Variants in USH2A observed in about 807,000 individuals in gnomAD.
The protein encoded by USH2A is usherin.
In USH2A, 443 loss-of-function variants were observed where a neutral mutation model predicts 538.9. That is an observed-to-expected ratio of 0.82 (90% CI 0.76 to 0.89). The LOEUF (loss-of-function observed/expected upper bound fraction) is 0.89. Among genes scored for constraint, USH2A ranks in the 40% least tolerant of loss-of-function variants. The pLI, the probability that USH2A is intolerant of heterozygous loss-of-function variation, is 0.00. For missense variants in USH2A, 6,633 were observed against 6,324.8 expected (o/e 1.05, Z -1.65); for synonymous variants, 2,413 against 2,273.5 (o/e 1.06, Z -1.75).
intron 64 of USH2A, among the ~76,000 whole-genome samples, chr1:215,658,536 C>T (rs1045364221): frequency 1.3e-5 from 2 of 152,088 alleles, no homozygotes; most frequent in African/African-American, 4.8e-5. Flanking sequence ...ACATAAAAGC[C>T]CAAACTCTTT....
In USH2A at chr1:215,622,933, T is replaced by G. The variant is rs1460495352; in HGVS notation, c.*2848A>C. ...ATTTATTAAGCAAACCATCTTTAGA[T>G]TAGTTTACATGATATTTGTGCATTG... On this transcript the variant is annotated 3_prime_UTR_variant, in exon 72 of 72. Transcript: ENST00000307340. The G allele has an allele frequency of 6.6e-6, 1 of 152,128 alleles. No homozygotes were observed. Among genetic ancestry groups the G allele is most frequent in the Non-Finnish European group, 1.5e-5 (1 of 67,998 alleles). The allele number at this position is 152,128 out of a possible 1,614,324, so 9.4% of individuals were successfully genotyped here.
At chr1:216,300,741 G>GTTTTT (rs531354825) in intron 9 of USH2A, among the ~76,000 whole-genome samples, 1 of 116,574 alleles carries the variant, frequency 8.6e-6, no homozygotes, top group African/African-American at 3.2e-5. Flanking sequence ...TAGACTCAAT[G>GTTTTT]TTTTTTTTTT....
At chr1:215,930,730 A>C (rs551632816) in intron 38 of USH2A, among the ~76,000 whole-genome samples, 1 of 152,164 alleles carries the variant, frequency 6.6e-6, no homozygotes, top group South Asian at 2.1e-4. Flanking sequence ...CTGAATGCTG[A>C]ATTCCATGCA....
intron 37 of USH2A, among the ~76,000 whole-genome samples, chr1:215,962,504 T>C (rs895977707): frequency 2.0e-5 from 3 of 152,062 alleles, no homozygotes; most frequent in Admixed American, 1.3e-4. Context: ...TCGTTAGGAA[T>C]TGCTGTGATA....
At chr1:215,924,364 T>C (rs2102491020) in intron 38 of USH2A, among the ~76,000 whole-genome samples, 1 of 152,162 alleles carries the variant, frequency 6.6e-6, no homozygotes, top group Admixed American at 6.6e-5. Flanking sequence ...TGAAAAGAGG[T>C]TGGAAATATG....
At position 215,690,839 on chromosome 1, in the gene USH2A, C is replaced by T. The variant is rs139306256; in HGVS notation, c.12067-10463G>A. On this transcript the variant is annotated intron_variant, in intron 61 of 71. Transcript: ENST00000307340. ...TCACACCACATCTACTACTACCACT[C>T]TGATCCAAGCCATACTTTCCCACTC... is the stretch of plus-strand genomic sequence containing the variant. Among the ~76,000 whole-genome samples the T allele has an allele frequency of 6.0e-3, 918 of 152,272 alleles. 12 individuals carry two copies. Among genetic ancestry groups the T allele is most frequent in the African/African-American group, 0.02 (841 of 41,544 alleles).
intron 30 of USH2A, among the ~76,000 whole-genome samples, chr1:216,055,397 G>A (rs2102532885): frequency 6.6e-6 from 1 of 152,294 alleles, no homozygotes; most frequent in East Asian, 1.9e-4. Context: ...AACTGGCTAG[G>A]GGAAGGAGGG....
chr1:215,683,435 G>C (rs528436315), intron 61 of USH2A, among the ~76,000 whole-genome samples: 1 of 152,172 alleles, frequency 6.6e-6, no homozygotes, highest in African/African-American at 2.4e-5. Flanking sequence ...TCTCCTGAAT[G>C]AATTTCCAAC....
chr1:215,645,751 A>G (rs1415758583), intron 67 of USH2A, among the ~76,000 whole-genome samples: 1 of 152,212 alleles, frequency 6.6e-6, no homozygotes, highest in Non-Finnish European at 1.5e-5. Flanking sequence ...TTATAATCTG[A>G]CATAATCTTT....
At position 216,097,212 on chromosome 1, in the gene USH2A, G is replaced by A. The variant is rs1199927597; in HGVS notation, c.4629C>T (p.Gly1543=). The A allele has an allele frequency of 6.2e-7, 1 of 1,614,118 alleles. No individual in the cohort carries two copies. The highest frequency in any genetic ancestry group is 8.5e-7 in the Non-Finnish European group (1 of 1,180,006). ...STHPVNTDFT[G]IKASFRTKVP... is the part of the protein sequence containing the mutation. ...CTTTTGTTCGAAAGCTGGCCTTAAT[G>A]CCTGGTAAGACAAGTGTGATCAGCA... The change falls in exon 22 of 72, where the codon GGC becomes GGT. Residue 1543 remains glycine, a splice_region_variant and synonymous_variant. Transcript: ENST00000307340.
intron 44 of USH2A, among the ~76,000 whole-genome samples, chr1:215,848,042 A>G (rs1663912238): frequency 6.6e-6 from 1 of 152,176 alleles, no homozygotes; most frequent in Non-Finnish European, 1.5e-5. Context: ...CAAAAATGTA[A>G]GCACATGCAA....
In USH2A at chr1:216,105,665, G is replaced by T. The variant is rs553326157; in HGVS notation, c.4628-8452C>A. ...CTTCAAAAAAGCTTGCTGGAATTTT[G>T]ATTGGAATTACATTAAATGAATAAA... On this transcript the variant is annotated intron_variant, in intron 21 of 71. Coordinates refer to ENST00000307340, the MANE Select transcript of USH2A (RefSeq NM_206933.4). Among the ~76,000 whole-genome samples the T allele has an allele frequency of 1.7e-3, 251 of 152,022 alleles. 1 individual carries two copies. Among genetic ancestry groups the T allele is most frequent in the African/African-American group, 5.7e-3 (236 of 41,534 alleles).
At chr1:215,717,196 G>A (rs2102703518) in intron 61 of USH2A, among the ~76,000 whole-genome samples, 1 of 152,248 alleles carries the variant, frequency 6.6e-6, no homozygotes, top group African/African-American at 2.4e-5. Context: ...AACCTGTTTT[G>A]TCCCTAGGAG....
intron 50 of USH2A, among the ~76,000 whole-genome samples, chr1:215,794,381 C>G (rs1037799295): frequency 1.4e-4 from 21 of 152,140 alleles, no homozygotes; most frequent in Non-Finnish European, 2.6e-4. Flanking sequence ...GGCAGGCACA[C>G]AATGCCAGGC....
Position 216,384,724 on chromosome 1 carries a change from G to A in USH2A, c.652-19639C>T, listed in dbSNP as rs563207676. On this transcript the variant is annotated intron_variant, in intron 3 of 71. Coordinates refer to ENST00000307340, the MANE Select transcript of USH2A (RefSeq NM_206933.4). Reference sequence around the variant, plus strand: ...GCAATCTATACACAGGAATTAAGAAGGCAGTCAGGTGAATGATTTGAGAAT... The same window carrying A: ...GCAATCTATACACAGGAATTAAGAAAGCAGTCAGGTGAATGATTTGAGAAT... 6.6e-5 allele frequency among the ~76,000 whole-genome samples: 10 copies of A among 151,972 alleles called. No homozygotes were observed. The South Asian group carries it at 2.1e-3, about 32-fold the overall frequency.
At chr1:216,321,664 G>A (rs1167153787) in intron 9 of USH2A, among the ~76,000 whole-genome samples, 4 of 152,130 alleles carry the variant, frequency 2.6e-5, no homozygotes, top group African/African-American at 7.2e-5. Flanking sequence ...TTTGGTTTCA[G>A]TTGTAATTTC....
At chr1:215,985,699 T>C (rs1239366144) in intron 35 of USH2A, among the ~76,000 whole-genome samples, 1 of 152,166 alleles carries the variant, frequency 6.6e-6, no homozygotes, top group Non-Finnish European at 1.5e-5. Flanking sequence ...TATTTATACA[T>C]ATATCTTCAT....
chr1:215,919,177 TCTC>T (rs1243823168), intron 38 of USH2A, among the ~76,000 whole-genome samples: 4 of 152,008 alleles, frequency 2.6e-5, no homozygotes, highest in African/African-American at 9.7e-5. Flanking sequence ...ATAGGGTCCT[TCTC>T]CTTAAAATTT....
intron 16 of USH2A, among the ~76,000 whole-genome samples, chr1:216,203,443 C>T (rs2035043313): frequency 6.6e-6 from 1 of 152,050 alleles, no homozygotes; most frequent in African/African-American, 2.4e-5. Context: ...TCTCTCAAAA[C>T]ATCTTATTGT....
Sources: allele counts gnomAD v4.1 joint callset (sites outside exome capture counted in the v4.1 genomes callset), GRCh38; gene constraint gnomAD v4.1.1; transcripts MANE v1.5; gene names NCBI Gene and HGNC (gene_info 2026-07-23, HGNC 2026-07-21).